Variants in TK2 observed in about 807,000 individuals in gnomAD.
TK2 encodes thymidine kinase 2.
Under a neutral mutation model 41.9 loss-of-function variants are expected in TK2, and 35 were observed. That is an observed-to-expected ratio of 0.84 (90% CI 0.64 to 1.11). TK2 has a LOEUF of 1.11. Ranked by LOEUF, TK2 falls within the 50% of genes least tolerant of loss-of-function variation. The probability of loss-of-function intolerance (pLI) is 0.00; values close to 1 mark genes in which losing one functional copy is unlikely to be tolerated. For synonymous variants in TK2, 128 were observed against 129.1 expected (o/e 0.99, Z 0.06); for missense variants, 320 against 351.1 (o/e 0.91, Z 0.71).
In TK2 at chr16:66,512,021, C is replaced by T; in HGVS notation, c.745G>A (p.Glu249Lys). The T allele has an allele frequency of 6.2e-7, 1 of 1,614,174 alleles. No homozygotes were observed. The highest frequency in any genetic ancestry group is 8.5e-7 in the Non-Finnish European group (1 of 1,180,048). Residue 249 changes from glutamate to lysine, a missense_variant, in exon 10 of 10, where the codon GAA becomes AAA. Glu to Lys is a moderately conservative substitution (Grantham distance 56, BLOSUM62 1). Transcript: ENST00000544898. ...HHMERMLELF[E>K]QNRDRILTPE... Reference sequence around the variant, plus strand: ...GTTAATATTCGATCCCGATTTTGTTCAAAGAGTTCTAACATCCTCTCCATG... The same window carrying T: ...GTTAATATTCGATCCCGATTTTGTTTAAAGAGTTCTAACATCCTCTCCATG...
rs1965103016 is a variant in TK2 at position 66,531,296 on chromosome 16, G to A, written c.375+84C>T. ...ACTGAAGGCCTAGCCTGGCTTCCTT[G>A]TAAAGTTTCCCTTCCTGGCAATCAC... is the stretch of plus-strand genomic sequence containing the variant. On this transcript the variant is annotated intron_variant, in intron 5 of 9. Transcript: ENST00000544898. 12 of 1,379,784 alleles carry A rather than the reference G, an allele frequency of 8.7e-6. 1 individual carries two copies. The South Asian group carries it at 1.3e-4, about 15-fold the overall frequency. The allele number at this position is 1,379,784 out of a possible 1,614,324, so 85.5% of individuals were successfully genotyped here.
In TK2 at chr16:66,549,956, G is replaced by C; in HGVS notation, c.106C>G (p.Arg36Gly). ...GCGTTACCGGGAGGCCAGGCCCGGC[G>C]CTGCACCCTCCGCGGCCCGGGGCCT... ...ASGPGPRRVQ[R>G]RAWPPDKEQE... Residue 36 changes from arginine (R) to glycine (G), a missense_variant, in exon 1 of 10, where the codon CGC becomes GGC. Transcript: ENST00000544898. 6.9e-7 allele frequency: 1 copy of C among 1,448,716 alleles called. No homozygotes were observed. The highest frequency in any genetic ancestry group is 9.0e-7 in the Non-Finnish European group (1 of 1,112,464). 89.7% of individuals were successfully genotyped at this position (1,448,716 alleles called of 1,614,324 possible).
At chr16:66,543,247 C>G (rs985336668) in intron 2 of TK2, among the ~76,000 whole-genome samples, 8 of 152,232 alleles carry the variant, frequency 5.3e-5, no homozygotes, top group African/African-American at 1.9e-4. Flanking sequence ...GAGGCTGGAG[C>G]AGAGCTTCTC....
Position 66,517,967 on chromosome 16 carries a change from T to C in TK2, c.450-90A>G, listed in dbSNP as rs936129595. On this transcript the variant is annotated intron_variant, in intron 6 of 9. Transcript: ENST00000544898. This position sits in a 1 kb window ranked among gnomAD's most constrained non-coding sequence, Gnocchi z 4.3. ...AAAAGGATCTTGAGACGGCTCTCAA[T>C]GAAAGGAGTCACCAAGGGTACCAGG... 1.9e-6 allele frequency: 2 copies of C among 1,058,992 alleles called. No individual in the cohort carries two copies. Among genetic ancestry groups the C allele is most frequent in the South Asian group, 1.3e-5 (1 of 79,658 alleles). 65.6% of individuals were successfully genotyped at this position (1,058,992 alleles called of 1,614,324 possible).
chr16:66,549,302 T>G (rs1175838483), intron 1 of TK2: 3 of 1,210,570 alleles, frequency 2.5e-6, no homozygotes, highest in Non-Finnish European at 3.1e-6. Flanking sequence ...GACTGGATGT[T>G]AAGCAAGTGG....
intron 8 of TK2, among the ~76,000 whole-genome samples, chr16:66,516,354 C>T (rs1213398585): frequency 6.6e-6 from 1 of 152,162 alleles, no homozygotes; most frequent in Non-Finnish European, 1.5e-5. Flanking sequence ...TCCTTATAGC[C>T]AGAGCATAGA....
At chr16:66,539,714 A>G (rs1190271754) in intron 3 of TK2, among the ~76,000 whole-genome samples, 1 of 152,108 alleles carries the variant, frequency 6.6e-6, no homozygotes, top group African/African-American at 2.4e-5. Context: ...GGGTCCTCTC[A>G]TAGAGGAGCT....
At chr16:66,515,407 T>C (rs1005880145) in intron 8 of TK2, among the ~76,000 whole-genome samples, 5 of 152,218 alleles carry the variant, frequency 3.3e-5, no homozygotes, top group South Asian at 2.1e-4. Flanking sequence ...GAAAGCCTGA[T>C]GCAGCGGAGC....
At chr16:66,525,100 G>A (rs13338614) in intron 6 of TK2, 3,898 of 152,374 alleles carry the variant, frequency 0.026, 158 homozygotes, top group African/African-American at 0.089. Context: ...TGCAGCTCCT[G>A]TCCATGGGTC....
At chr16:66,531,850 A>G (rs150955607) in intron 4 of TK2, among the ~76,000 whole-genome samples, 1 of 152,214 alleles carries the variant, frequency 6.6e-6, no homozygotes, top group Non-Finnish European at 1.5e-5. Flanking sequence ...TTAATGCAGG[A>G]ACAGAAAACC....
chr16:66,515,374 G>A (rs1373444209), intron 8 of TK2, among the ~76,000 whole-genome samples: 1 of 152,104 alleles, frequency 6.6e-6, no homozygotes, highest in Non-Finnish European at 1.5e-5. Flanking sequence ...AGACCCTCCA[G>A]ACTATAAAGA....
intron 4 of TK2, among the ~76,000 whole-genome samples, chr16:66,533,441 T>G (rs753562779): frequency 6.6e-6 from 1 of 151,640 alleles, no homozygotes; most frequent in African/African-American, 2.4e-5. Flanking sequence ...TCCCAGCACT[T>G]TGGGAGCCCA....
Position 66,528,979 on chromosome 16 carries a change from T to C in TK2, c.449+15A>G. 1 of 1,612,652 alleles carries C rather than the reference T, an allele frequency of 6.2e-7. No individual in the cohort carries two copies. Among genetic ancestry groups the C allele is most frequent in the Non-Finnish European group, 8.5e-7 (1 of 1,178,720 alleles). On this transcript the variant is annotated intron_variant, in intron 6 of 9. Coordinates refer to ENST00000544898, the MANE Select transcript of TK2 (RefSeq NM_004614.5). The stretch of plus-strand genomic sequence containing the variant: ...TAGTGGTTTAATAAATTATCAACTA[T>C]TCAAACTACAGTACCTTCTATACAG...
chr16:66,531,310 C>G, intron 5 of TK2, 70 bp downstream of exon 5: 3 of 1,488,154 alleles, frequency 2.0e-6, no homozygotes, highest in Middle Eastern at 1.7e-4. Context: ...AGTTTCCCTT[C>G]CTGGCAATCA....
At chr16:66,548,853 T>A in intron 2 of TK2, 125 bp downstream of exon 2, 1 of 904,326 alleles carries the variant, frequency 1.1e-6, no homozygotes, top group South Asian at 1.4e-5. Context: ...TCCTTCTCCC[T>A]GGAGATCCTC....
At chr16:66,518,459 G>A (rs1422734779) in intron 6 of TK2, among the ~76,000 whole-genome samples, 1 of 152,214 alleles carries the variant, frequency 6.6e-6, no homozygotes, top group Non-Finnish European at 1.5e-5. Context: ...GAGCCCAGGG[G>A]TTTAAGGCTG....
At chr16:66,524,328 A>C (rs1964866993) in intron 6 of TK2, among the ~76,000 whole-genome samples, 1 of 151,968 alleles carries the variant, frequency 6.6e-6, no homozygotes, top group Non-Finnish European at 1.5e-5. Context: ...CCACCTGGCT[A>C]CCAGCTTTTT....
At position 66,511,246 on chromosome 16, in the gene TK2, G is replaced by A. The variant is rs1225779153; in HGVS notation, c.*722C>T. ...ACATGAAGATGTGGTAGATGGGGCT[G>A]CAGCGACCTCGGGCAGGGAAACCAC... On this transcript the variant is annotated 3_prime_UTR_variant, in exon 10 of 10. Transcript: ENST00000544898. 6.4e-6 allele frequency: 1 copy of A among 155,566 alleles called. No homozygotes were observed. Among genetic ancestry groups the A allele is most frequent in the East Asian group, 1.9e-4 (1 of 5,248 alleles). The allele number at this position is 155,566 out of a possible 1,614,324, so 9.6% of individuals were successfully genotyped here.
Position 66,536,976 on chromosome 16 carries a change from G to A in TK2, c.273C>T (p.Gly91=). 1 of 1,614,122 alleles carries A rather than the reference G, an allele frequency of 6.2e-7. No homozygotes were observed. Among genetic ancestry groups the A allele is most frequent in the Non-Finnish European group, 8.5e-7 (1 of 1,180,026 alleles). The change falls in exon 4 of 10, where the codon GGC becomes GGT. Residue 91 remains glycine (G), a synonymous_variant. Transcript: ENST00000544898. ...ACAACCCACTCACCAGAGGATTGTG[G>A]CCACGGACATTTCTCCACTTGGACA... The part of the protein sequence containing the change: ...EPVSKWRNVR[G]HNPLGLMYHD...
Sources: gnomAD v4.1 joint callset for allele counts (sites outside exome capture counted in the v4.1 genomes callset) on GRCh38, gnomAD v4.1.1 for gene constraint, Gnocchi (gnomAD v3.1) non-coding constraint, MANE v1.5 for transcripts, NCBI Gene and HGNC (gene_info 2026-07-23, HGNC 2026-07-21) for gene names.